DIAPH3: variants seen among roughly 807,000 people sequenced by gnomAD.
The protein encoded by DIAPH3 is diaphanous related formin 3.
In DIAPH3, 117 loss-of-function variants were observed where a neutral mutation model predicts 144.3. The observed-to-expected ratio is 0.81, with a 90% CI of 0.70 to 0.95. The LOEUF (loss-of-function observed/expected upper bound fraction) is 0.95. Among genes scored for constraint, DIAPH3 ranks in the 40% least tolerant of loss-of-function variants. The pLI is 0.00. For missense variants in DIAPH3, 1,421 were observed against 1,412.7 expected, an observed-to-expected ratio of 1.01 and a Z score of -0.09; for synonymous variants, 519 against 488.9, an observed-to-expected ratio of 1.06 and a Z score of -0.81.
rs2040688360 is a variant in DIAPH3, at chr13:59,814,943, C to T, written c.3028-4020G>A. ...AGTGAGATCATATTATGGTATTTGT[C>T]TCTCAGTGAATGGCTTATTTCACTT... is the stretch of plus-strand genomic sequence containing the variant. On this transcript the variant is annotated intron_variant, in intron 24 of 27. Coordinates refer to ENST00000400324, the MANE Select transcript of DIAPH3 (RefSeq NM_001042517.2). 2.0e-5 allele frequency among the ~76,000 whole-genome samples: 3 copies of T among 152,166 alleles called. No homozygotes were observed. The South Asian group carries it at 6.2e-4, about 32-fold the overall frequency.
rs776827811 is a variant in DIAPH3, at chr13:59,974,468, T to G, written c.1546-12A>C. On this transcript the variant is annotated splice_polypyrimidine_tract_variant and intron_variant, in intron 14 of 27. Transcript: ENST00000400324. ...AACTCTTTTTCAAACTGAAACAAAT[T>G]AAAAATAATAACAAAAACAGGAAGA... 536 of 1,588,342 alleles carry G rather than the reference T, an allele frequency of 3.4e-4. No homozygotes were observed. The highest frequency in any genetic ancestry group is 4.3e-4 in the Non-Finnish European group (495 of 1,160,690).
At chr13:59,744,704 G>C (rs2036620479) in intron 27 of DIAPH3, among the ~76,000 whole-genome samples, 2 of 152,146 alleles carry the variant, frequency 1.3e-5, no homozygotes, top group African/African-American at 4.8e-5. Context: ...TATTATCACA[G>C]CACAGAGCAG....
intron 24 of DIAPH3, among the ~76,000 whole-genome samples, chr13:59,826,104 C>A (rs2041399796): frequency 1.3e-5 from 2 of 151,920 alleles, no homozygotes; most frequent in Non-Finnish European, 2.9e-5. Flanking sequence ...GGAAGCATTC[C>A]CTTTGAAAAC....
At chr13:60,120,873 G>A (rs1468216881) in intron 2 of DIAPH3, among the ~76,000 whole-genome samples, 4 of 152,152 alleles carry the variant, frequency 2.6e-5, no homozygotes, top group East Asian at 1.9e-4. Flanking sequence ...CCAAATTTTT[G>A]ATGCAAGAAA....
chr13:59,758,967 T>A (rs1158772794), intron 27 of DIAPH3, among the ~76,000 whole-genome samples: 3 of 151,008 alleles, frequency 2.0e-5, no homozygotes, highest in Non-Finnish European at 4.4e-5. Flanking sequence ...TTTTTTTTTT[T>A]TTTTTGTAGA....
chr13:59,761,896 T>C (rs1361869939), intron 27 of DIAPH3, among the ~76,000 whole-genome samples: 1 of 151,964 alleles, frequency 6.6e-6, no homozygotes, highest in Non-Finnish European at 1.5e-5. Flanking sequence ...GGTTATATCT[T>C]AATACAGATA....
intron 27 of DIAPH3, among the ~76,000 whole-genome samples, chr13:59,772,951 T>A (rs1640098885): frequency 6.6e-6 from 1 of 152,150 alleles, no homozygotes; most frequent in Non-Finnish European, 1.5e-5. Flanking sequence ...TCAGCCTCTC[T>A]GGGTTTCTAT....
At position 60,016,954 on chromosome 13, in the gene DIAPH3, A is replaced by T. The variant is rs186265627; in HGVS notation, c.627-809T>A. On this transcript the variant is annotated intron_variant, in intron 5 of 27. Transcript: ENST00000400324. ...ATACCTTTTCTCAGTGGAGATTAGT[A>T]AACCTAGGCCAATAAATAATAACAA... 1.3e-3 allele frequency among the ~76,000 whole-genome samples: 203 copies of T among 152,348 alleles called. 1 individual carries two copies. Among genetic ancestry groups the T allele is most frequent in the Admixed American group, 0.011 (172 of 15,304 alleles).
At chr13:59,861,870 A>G (rs2043613366) in intron 21 of DIAPH3, among the ~76,000 whole-genome samples, 1 of 152,204 alleles carries the variant, frequency 6.6e-6, no homozygotes, top group Non-Finnish European at 1.5e-5. Flanking sequence ...TCCATTTATC[A>G]CTTGGCACAT....
intron 2 of DIAPH3, among the ~76,000 whole-genome samples, chr13:60,124,521 T>C (rs1055508372): frequency 2.0e-5 from 3 of 152,310 alleles, no homozygotes; most frequent in African/African-American, 4.8e-5. Context: ...TTAGAAAACA[T>C]CTTAGATATA....
intron 22 of DIAPH3, among the ~76,000 whole-genome samples, chr13:59,847,404 G>A (rs996223801): frequency 1.3e-5 from 2 of 152,128 alleles, no homozygotes; most frequent in Non-Finnish European, 2.9e-5. Context: ...CAATTCTGTT[G>A]AGCTATTTCA....
intron 14 of DIAPH3, among the ~76,000 whole-genome samples, chr13:59,976,748 C>T (rs2050700261): frequency 6.6e-6 from 1 of 151,584 alleles, no homozygotes; most frequent in Non-Finnish European, 1.5e-5. Flanking sequence ...TTTAAATCAC[C>T]ATGCATACAC....
intron 20 of DIAPH3, among the ~76,000 whole-genome samples, chr13:59,881,567 A>T (rs1056669968): frequency 6.6e-6 from 1 of 152,186 alleles, no homozygotes; most frequent in Non-Finnish European, 1.5e-5. Flanking sequence ...ACCCCAAAAT[A>T]TGTTAAAGCT....
intron 9 of DIAPH3, among the ~76,000 whole-genome samples, chr13:59,998,482 G>T (rs751944143): frequency 6.6e-6 from 1 of 151,934 alleles, no homozygotes; most frequent in African/African-American, 2.4e-5. Flanking sequence ...GTAATTGATC[G>T]GTTAATTATG....
At chr13:59,881,431 G>A (rs2045037060) in intron 20 of DIAPH3, among the ~76,000 whole-genome samples, 1 of 152,004 alleles carries the variant, frequency 6.6e-6, no homozygotes, top group South Asian at 2.1e-4. Flanking sequence ...CATATGAGAA[G>A]AAATTCTCCA....
intron 11 of DIAPH3, among the ~76,000 whole-genome samples, chr13:59,991,778 A>G (rs951921517): frequency 6.6e-6 from 1 of 152,010 alleles, no homozygotes; most frequent in Non-Finnish European, 1.5e-5. Context: ...AATGCTAAAA[A>G]GCCCTAAGTA....
chr13:60,102,505 T>C (rs1277471340), intron 3 of DIAPH3, among the ~76,000 whole-genome samples: 1 of 152,156 alleles, frequency 6.6e-6, no homozygotes, highest in Non-Finnish European at 1.5e-5. Flanking sequence ...AGGACAAACA[T>C]GAGATGCAGG....
rs201024887 is a variant in DIAPH3 at position 59,839,368 on chromosome 13, G to A, written c.2818C>T (p.Pro940Ser). The A allele has an allele frequency of 3.3e-5, 54 of 1,613,582 alleles. No individual in the cohort carries two copies. The highest frequency in any genetic ancestry group is 4.5e-5 in the Non-Finnish European group (53 of 1,179,804). ...QQLEKELETFPPPEDLHDKFV... is the reference protein window; with the variant it reads ...QQLEKELETFSPPEDLHDKFV... ...TTGTCATGCAAGTCCTCAGGAGGGG[G>A]AAAGGTTTCCAATTCCTTCTCAAGC... Residue 940 changes from proline (P) to serine (S), a missense_variant, in exon 23 of 28, where the codon CCC (proline) becomes TCC (serine). Transcript: ENST00000400324.
intron 27 of DIAPH3, among the ~76,000 whole-genome samples, chr13:59,670,716 G>A (rs1470712950): frequency 6.6e-6 from 1 of 151,794 alleles, no homozygotes; most frequent in East Asian, 1.9e-4. Flanking sequence ...CCGAGTAGCT[G>A]GGACTACAGG....
Sources: gnomAD v4.1 joint callset for allele counts (sites outside exome capture counted in the v4.1 genomes callset) on GRCh38, gnomAD v4.1.1 for gene constraint, MANE v1.5 for transcripts, NCBI Gene and HGNC (gene_info 2026-07-23, HGNC 2026-07-21) for gene names.